ABCA13: variants seen among roughly 807,000 people sequenced by gnomAD.
The protein encoded by ABCA13 is ATP binding cassette subfamily A member 13, also known as ATP-binding cassette sub-family A member 13.
In ABCA13, 476 loss-of-function variants were observed where a neutral mutation model predicts 478.7. The ratio of observed to expected loss-of-function variants is 0.99; its 90% CI spans 0.92 to 1.07. The LOEUF is 1.07. ABCA13 is among the 50% of genes least tolerant of loss of function. The probability of loss-of-function intolerance (pLI) is 0.00; values close to 1 mark genes in which losing one functional copy is unlikely to be tolerated. For missense variants in ABCA13, 6,060 were observed against 5,910.6 expected, an observed-to-expected ratio of 1.03 and a Z score of -0.83; for synonymous variants, 2,252 against 2,158.9, an observed-to-expected ratio of 1.04 and a Z score of -1.20.
intron 41 of ABCA13, among the ~76,000 whole-genome samples, chr7:48,415,335 G>A (rs1436953721): frequency 6.6e-6 from 1 of 152,078 alleles, no homozygotes; most frequent in Non-Finnish European, 1.5e-5. Flanking sequence ...GGGGGTTATC[G>A]AGAGAAATTG....
chr7:48,214,275 G>A (rs1300951200), intron 3 of ABCA13, among the ~76,000 whole-genome samples: 1 of 152,172 alleles, frequency 6.6e-6, no homozygotes, highest in Non-Finnish European at 1.5e-5. Flanking sequence ...TGTAAACAGA[G>A]GTGCTGCCAT....
chr7:48,267,485 T>A (rs1795021771), intron 15 of ABCA13, among the ~76,000 whole-genome samples: 1 of 152,150 alleles, frequency 6.6e-6, no homozygotes, highest in Admixed American at 6.5e-5. Context: ...GCCTTTTCCA[T>A]CCTTTTACTT....
At chr7:48,260,846 C>G (rs918806186) in intron 15 of ABCA13, among the ~76,000 whole-genome samples, 9 of 151,906 alleles carry the variant, frequency 5.9e-5, no homozygotes, top group Non-Finnish European at 1.3e-4. Context: ...AGTCCCTACT[C>G]TGCTTTTCTG....
In ABCA13 at chr7:48,587,236, G is replaced by A. The variant is rs778048118; in HGVS notation, c.14588G>A (p.Arg4863Gln). ...PVATYSGGTK[R>Q]KLSTALALVG... ...GCCACCTACAGTGGGGGAACCAAGC[G>A]GAAACTCTCTACAGCCCTGGCCCTG... Residue 4863 changes from arginine (R) to glutamine (Q), a missense_variant, in exon 57 of 62, where the codon CGG becomes CAG. This residue lies in a region of ABCA13 where 1,627 missense variants were observed against 1,571.0 expected (regional missense o/e 1.04). Transcript: ENST00000435803. 1.3e-4 allele frequency: 210 copies of A among 1,612,006 alleles called. No individual in the cohort carries two copies. Among genetic ancestry groups the A allele is most frequent in the Non-Finnish European group, 1.7e-4 (203 of 1,179,106 alleles).
chr7:48,507,713 G>A (rs1831334109), intron 49 of ABCA13, among the ~76,000 whole-genome samples, 159 bp from the exon 50 acceptor site: 1 of 152,160 alleles, frequency 6.6e-6, no homozygotes, highest in Non-Finnish European at 1.5e-5. Flanking sequence ...GTGGCTGAGG[G>A]GATTTAATGA....
intron 41 of ABCA13, among the ~76,000 whole-genome samples, chr7:48,420,045 T>G (rs530915133): frequency 6.6e-6 from 1 of 152,284 alleles, no homozygotes; most frequent in East Asian, 1.9e-4. Context: ...GAGCATTGAC[T>G]TTCCTTTCTT....
chr7:48,479,097 G>A (rs1011921130), intron 45 of ABCA13, among the ~76,000 whole-genome samples: 15 of 151,398 alleles, frequency 9.9e-5, no homozygotes, highest in South Asian at 2.1e-4. Flanking sequence ...ACAGGTGGCC[G>A]CCACTACGCC....
At chr7:48,477,981 C>T (rs902292608) in intron 45 of ABCA13, among the ~76,000 whole-genome samples, 1 of 151,710 alleles carries the variant, frequency 6.6e-6, no homozygotes, top group Non-Finnish European at 1.5e-5. Flanking sequence ...AGAAAATCAT[C>T]TAATGGAAAA....
intron 58 of ABCA13, among the ~76,000 whole-genome samples, chr7:48,597,437 C>A (rs749679279): frequency 1.3e-5 from 2 of 152,086 alleles, no homozygotes; most frequent in African/African-American, 4.8e-5. Flanking sequence ...ATATAAATGT[C>A]TTTGTATGTA....
intron 59 of ABCA13, among the ~76,000 whole-genome samples, chr7:48,619,787 G>A (rs1048849529): frequency 2.0e-5 from 3 of 152,172 alleles, no homozygotes; most frequent in African/African-American, 7.2e-5. Flanking sequence ...GGTCACTTAT[G>A]AATGGAAGTG....
chr7:48,517,002 T>A, intron 52 of ABCA13, 121 bp downstream of exon 52: 1 of 1,128,588 alleles, frequency 8.9e-7, no homozygotes, highest in Non-Finnish European at 1.2e-6. Context: ...TGGTATCCAC[T>A]GTCTTTAAAC....
rs375474993 is a variant in ABCA13 at position 48,306,543 on chromosome 7, C to T, written c.9322-3404C>T. 5.3e-5 allele frequency among the ~76,000 whole-genome samples: 8 copies of T among 152,250 alleles called. No individual in the cohort carries two copies. The East Asian group carries it at 1.5e-3, about 29-fold the overall frequency. ...CTCTTGTGAAAGCAAAGGGTAGATG[C>T]CTATATTCTGCTCCCAACCTCCTCC... On this transcript the variant is annotated intron_variant, in intron 23 of 61. Coordinates refer to ENST00000435803, the MANE Select transcript of ABCA13 (RefSeq NM_152701.5).
intron 54 of ABCA13, 87 bp from the exon 55 acceptor site, chr7:48,528,149 C>T (rs1833001101): frequency 2.6e-6 from 3 of 1,169,094 alleles, no homozygotes; most frequent in African/African-American, 3.1e-5. Context: ...AGTGCTGTTT[C>T]TGATATAATT....
At chr7:48,191,072 T>C (rs1797043678) in intron 1 of ABCA13, among the ~76,000 whole-genome samples, 1 of 139,130 alleles carries the variant, frequency 7.2e-6, no homozygotes, top group Non-Finnish European at 1.5e-5. Context: ...ATATGAGGTA[T>C]ATTTTTTATT....
chr7:48,324,280 C>T (rs2128916478), intron 27 of ABCA13, among the ~76,000 whole-genome samples: 1 of 152,228 alleles, frequency 6.6e-6, no homozygotes, highest in Admixed American at 6.5e-5. Flanking sequence ...CATAGTTGTC[C>T]CTCTGTGTGT....
At position 48,529,495 on chromosome 7, in the gene ABCA13, A is replaced by G. The variant is rs1833083807; in HGVS notation, c.14354+1150A>G. Among the ~76,000 whole-genome samples, 14 of 152,320 alleles carry G rather than the reference A, an allele frequency of 9.2e-5. No homozygotes were observed. In the South Asian group the frequency reaches 2.9e-3, roughly 32 times the overall value. ...TAGCTGTCTTTATGAATTTAAACCC[A>G]GCACCCACCAGCCAACAGGTTGAGA... On this transcript the variant is annotated intron_variant, in intron 55 of 61. Coordinates refer to ENST00000435803, the MANE Select transcript of ABCA13 (RefSeq NM_152701.5).
At chr7:48,250,225 C>T (rs555603830) in intron 15 of ABCA13, among the ~76,000 whole-genome samples, 2 of 152,308 alleles carry the variant, frequency 1.3e-5, no homozygotes, top group South Asian at 2.1e-4. Flanking sequence ...ATCACCCTCC[C>T]AGCACCTCCA....
At chr7:48,354,416 GTAA>G (rs1258363454) in intron 31 of ABCA13, among the ~76,000 whole-genome samples, 1 of 152,040 alleles carries the variant, frequency 6.6e-6, no homozygotes, top group Non-Finnish European at 1.5e-5. Context: ...AATGGCCTGA[GTAA>G]TCAGTTTTCA....
Position 48,239,543 on chromosome 7 carries a change from C to T in ABCA13, c.1062+138C>T, listed in dbSNP as rs191218815. ...GAAAGGGCCTTAGGAGCCCCACATC[C>T]TGGCCATTGAGTGCACCTTGTCCCA... On this transcript the variant is annotated intron_variant, in intron 9 of 61. Coordinates refer to ENST00000435803, the MANE Select transcript of ABCA13 (RefSeq NM_152701.5). 1.5e-5 allele frequency: 16 copies of T among 1,033,526 alleles called. No homozygotes were observed. In the African/African-American group the frequency reaches 1.6e-4, roughly 10 times the overall value. The allele number at this position is 1,033,526 out of a possible 1,614,324, so 64.0% of individuals were successfully genotyped here.
Sources: gnomAD v4.1 joint callset for allele counts (sites outside exome capture counted in the v4.1 genomes callset) on GRCh38, gnomAD v4.1.1 for gene constraint, gnomAD v4.1.1 regional missense constraint, MANE v1.5 for transcripts, NCBI Gene and HGNC (gene_info 2026-07-23, HGNC 2026-07-21) for gene names.